The following MAGI2 variants were observed in gnomAD, a reference collection of about 807,000 sequenced individuals.
MAGI2 encodes the protein membrane-associated guanylate kinase, WW and PDZ domain-containing protein 2.
Under a neutral mutation model 133.3 loss-of-function variants are expected in MAGI2, and 35 were observed. The observed-to-expected ratio is 0.26, with a 90% CI of 0.20 to 0.35. The LOEUF (loss-of-function observed/expected upper bound fraction) is 0.35. MAGI2 is among the 10% of genes least tolerant of loss of function. The probability of loss-of-function intolerance (pLI) is 1.00; values close to 1 mark genes in which losing one functional copy is unlikely to be tolerated. For synonymous variants in MAGI2, 729 were observed against 710.6 expected (o/e 1.03, Z -0.41); for missense variants, 1,636 against 1,863.4 (o/e 0.88, Z 2.25).
intron 10 of MAGI2, among the ~76,000 whole-genome samples, chr7:78,206,648 A>G (rs1015986036): frequency 2.0e-5 from 3 of 152,194 alleles, no homozygotes; most frequent in African/African-American, 7.2e-5. Flanking sequence ...AAGTCTTTCA[A>G]CATCCTTCTG....
intron 2 of MAGI2, among the ~76,000 whole-genome samples, chr7:78,881,818 T>G (rs1191822846): frequency 6.6e-6 from 1 of 151,932 alleles, no homozygotes; most frequent in Non-Finnish European, 1.5e-5. Context: ...AGAAAGTTTA[T>G]AGCCCTAAAG....
intron 1 of MAGI2, among the ~76,000 whole-genome samples, chr7:79,067,145 C>A (rs905317801): frequency 6.6e-6 from 1 of 152,156 alleles, no homozygotes; most frequent in African/African-American, 2.4e-5. Context: ...TTCTGTGAAG[C>A]AAGTCAATGA....
At chr7:78,601,459 G>A (rs1805200341) in intron 3 of MAGI2, among the ~76,000 whole-genome samples, 1 of 152,100 alleles carries the variant, frequency 6.6e-6, no homozygotes, top group Non-Finnish European at 1.5e-5. Flanking sequence ...CGCATTCTGA[G>A]AATCAGTATG....
At chr7:78,082,413 C>T (rs571254630) in intron 20 of MAGI2, among the ~76,000 whole-genome samples, 30 of 152,186 alleles carry the variant, frequency 2.0e-4, no homozygotes, top group African/African-American at 7.2e-4. Flanking sequence ...AATGAGGCTC[C>T]GGGAAGTCAG....
At chr7:78,810,888 A>C (rs1788985154) in intron 2 of MAGI2, among the ~76,000 whole-genome samples, 1 of 152,104 alleles carries the variant, frequency 6.6e-6, no homozygotes, top group Non-Finnish European at 1.5e-5. Context: ...AACTGACATG[A>C]GCTTTAGGAA....
chr7:78,912,881 C>G (rs1028906257), intron 2 of MAGI2, among the ~76,000 whole-genome samples: 1 of 150,350 alleles, frequency 6.7e-6, no homozygotes, highest in African/African-American at 2.4e-5. Flanking sequence ...CTAATTCTGT[C>G]CCTCTGGTGA....
intron 1 of MAGI2, among the ~76,000 whole-genome samples, chr7:79,228,529 GACAA>G (rs1831077323): frequency 6.6e-6 from 1 of 151,876 alleles, no homozygotes; most frequent in African/African-American, 2.4e-5. Context: ...GATAAATTAA[GACAA>G]ACAGAGCTAA....
At chr7:79,452,814 A>T (rs373525426) in intron 1 of MAGI2, 1 of 582,854 alleles carries the variant, frequency 1.7e-6, no homozygotes, top group Non-Finnish European at 3.0e-6. Flanking sequence ...ACAAAGTTGC[A>T]CGCCACACCA....
At chr7:79,427,763 A>G (rs949901829) in intron 1 of MAGI2, among the ~76,000 whole-genome samples, 1 of 152,178 alleles carries the variant, frequency 6.6e-6, no homozygotes, top group Non-Finnish European at 1.5e-5. Context: ...AAAAAAGTAG[A>G]AACAGATGTA....
chr7:78,366,448 T>G (rs1306142002), intron 7 of MAGI2, among the ~76,000 whole-genome samples: 1 of 152,140 alleles, frequency 6.6e-6, no homozygotes, highest in Non-Finnish European at 1.5e-5. Context: ...ATACTGAAAG[T>G]GATGAATAAC....
intron 6 of MAGI2, among the ~76,000 whole-genome samples, chr7:78,399,440 A>T (rs1481480674): frequency 6.6e-6 from 1 of 152,216 alleles, no homozygotes; most frequent in Non-Finnish European, 1.5e-5. Context: ...TAGAATGCTA[A>T]GTGTTGATAT....
intron 21 of MAGI2, among the ~76,000 whole-genome samples, chr7:78,039,114 G>C (rs2151080271): frequency 6.6e-6 from 1 of 152,204 alleles, no homozygotes; most frequent in Non-Finnish European, 1.5e-5. Context: ...ACACATTCCT[G>C]AGATTTGCAG....
chr7:79,345,577 T>TGC (rs1841250438), intron 1 of MAGI2, among the ~76,000 whole-genome samples: 1 of 152,164 alleles, frequency 6.6e-6, no homozygotes, highest in South Asian at 2.1e-4. Context: ...TTCTCTTGAG[T>TGC]GCAAAAAATG....
intron 1 of MAGI2, among the ~76,000 whole-genome samples, chr7:79,416,719 C>CTTTTTTT (rs1169090958): frequency 1.1e-4 from 11 of 99,248 alleles, no homozygotes; most frequent in African/African-American, 4.9e-4. Flanking sequence ...CTTTTCTTTT[C>CTTTTTTT]TTTTTCTTTT....
At chr7:79,325,654 T>C (rs1839632449) in intron 1 of MAGI2, among the ~76,000 whole-genome samples, 1 of 152,112 alleles carries the variant, frequency 6.6e-6, no homozygotes, top group Non-Finnish European at 1.5e-5. Context: ...GCACCAAACA[T>C]TGTGAGAAAA....
intron 2 of MAGI2, among the ~76,000 whole-genome samples, chr7:78,663,987 G>A (rs947734401): frequency 6.6e-6 from 1 of 152,136 alleles, no homozygotes; most frequent in Non-Finnish European, 1.5e-5. Flanking sequence ...TGATACTGCA[G>A]TAATCACTGG....
intron 6 of MAGI2, among the ~76,000 whole-genome samples, chr7:78,369,957 T>C (rs1292833238): frequency 6.6e-6 from 1 of 152,076 alleles, no homozygotes; most frequent in East Asian, 1.9e-4. Context: ...CAAGGTTTTA[T>C]AATTATTAAC....
intron 1 of MAGI2, among the ~76,000 whole-genome samples, chr7:79,381,969 A>T (rs1318337007): frequency 6.6e-6 from 1 of 151,706 alleles, no homozygotes; most frequent in African/African-American, 2.4e-5. Flanking sequence ...TATTTTCTAA[A>T]AGTACAGCTT....
At chr7:78,416,927 A>G (rs890565781) in intron 6 of MAGI2, among the ~76,000 whole-genome samples, 3 of 152,132 alleles carry the variant, frequency 2.0e-5, no homozygotes, top group African/African-American at 7.2e-5. Context: ...AGCCCCTAGA[A>G]CTGTGAGAAA....
Sources: allele counts gnomAD v4.1 joint callset (sites outside exome capture counted in the v4.1 genomes callset), GRCh38; gene constraint gnomAD v4.1.1; transcripts MANE v1.5; gene names NCBI Gene and HGNC (gene_info 2026-07-23, HGNC 2026-07-21).